Variants in GTF2H4 observed in about 807,000 individuals in gnomAD.
GTF2H4 encodes BTF2 p52.
GTF2H4 carries 49 observed loss-of-function variants against 62.2 expected under a neutral mutation model. The ratio of observed to expected loss-of-function variants is 0.79; its 90% CI spans 0.63 to 1.00. The LOEUF is 1.00. Ranked by LOEUF, GTF2H4 falls within the 50% of genes least tolerant of loss-of-function variation. The probability of loss-of-function intolerance (pLI) is 0.00; values close to 1 mark genes in which losing one functional copy is unlikely to be tolerated. For synonymous variants in GTF2H4, 189 were observed against 233.8 expected (o/e 0.81, Z 1.75); for missense variants, 479 against 587.8 (o/e 0.81, Z 1.91).
Position 30,910,617 on chromosome 6 carries a change from C to A in GTF2H4, c.375-48C>A. 7.4e-7 allele frequency: 1 copy of A among 1,347,300 alleles called. No individual in the cohort carries two copies. Among genetic ancestry groups the A allele is most frequent in the Non-Finnish European group, 1.1e-6 (1 of 939,316 alleles). 83.5% of individuals were successfully genotyped at this position (1,347,300 alleles called of 1,614,324 possible). On this transcript the variant is annotated intron_variant, in intron 4 of 13. Coordinates refer to ENST00000259895, the MANE Select transcript of GTF2H4 (RefSeq NM_001517.5). The surrounding 1 kb of genome is among the most constrained non-coding windows in gnomAD (Gnocchi z 4.7). The stretch of plus-strand genomic sequence containing the variant: ...AAGTACAGGGATTACAGGTGTGAGC[C>A]ACTGCGCCTGGCCAGGGTTCCTTAC...
Position 30,913,253 on chromosome 6 carries a change from C to T in GTF2H4, c.1138-56C>T, listed in dbSNP as rs1793881706. 6.2e-7 allele frequency: 1 copy of T among 1,612,100 alleles called. No individual in the cohort carries two copies. Among genetic ancestry groups the T allele is most frequent in the African/African-American group, 1.3e-5 (1 of 74,890 alleles). On this transcript the variant is annotated intron_variant, in intron 12 of 13. Transcript: ENST00000259895. This position sits in a 1 kb window ranked among gnomAD's most constrained non-coding sequence, Gnocchi z 4.2. ...CCAAATCTGGGGAAGAAACAGAGGG[C>T]CGGGTTGTCTGGGGCAGTATTCTGA...
rs1332117094 is a variant in GTF2H4 at position 30,909,864 on chromosome 6, ATGG to A, written c.243-64_243-62del. The A allele has an allele frequency of 1.7e-5, 26 of 1,490,522 alleles. No individual in the cohort carries two copies. The East Asian group carries it at 5.4e-4, about 31-fold the overall frequency. 92.3% of individuals were successfully genotyped at this position (1,490,522 alleles called of 1,614,324 possible). ...GTCAGCAAGTTCAGAACAGGCAGAG[ATGG>A]TGGCTTTTATGGGCCTCCTTTTTGT... On this transcript the variant is annotated intron_variant, in intron 3 of 13. Coordinates refer to ENST00000259895, the MANE Select transcript of GTF2H4 (RefSeq NM_001517.5). The surrounding 1 kb of genome is among the most constrained non-coding windows in gnomAD (Gnocchi z 4.3).
In GTF2H4 at chr6:30,913,962, G is replaced by A; in HGVS notation, c.1368G>A (p.Lys456=). ...ACAGCGACGTCAAGCGCTTTTGGAAGCGGCAGAAACATAGCTCCTGAGAGC... is the reference window on the plus strand; with the variant it reads ...ACAGCGACGTCAAGCGCTTTTGGAAACGGCAGAAACATAGCTCCTGAGAGC... ...AGHSDVKRFW[K]RQKHSS is the part of the protein sequence containing the mutation. Residue 456 remains lysine (K), a synonymous_variant, in exon 14 of 14, where the codon AAG becomes AAA. Coordinates refer to ENST00000259895, the MANE Select transcript of GTF2H4 (RefSeq NM_001517.5). The surrounding 1 kb of genome is among the most constrained non-coding windows in gnomAD (Gnocchi z 4.2). The A allele has an allele frequency of 6.2e-7, 1 of 1,602,912 alleles. No individual in the cohort carries two copies. The highest frequency in any genetic ancestry group is 1.1e-5 in the South Asian group (1 of 90,222).
rs184306164 is a variant in GTF2H4 at position 30,909,603 on chromosome 6, C to T, written c.242+64C>T. On this transcript the variant is annotated intron_variant, in intron 3 of 13. Transcript: ENST00000259895. The surrounding 1 kb of genome is among the most constrained non-coding windows in gnomAD (Gnocchi z 4.3). Reference sequence around the variant, plus strand: ...TTTCCCAAACTGCTGTTCCTTGGAGCACTTCCAGGAAGTGTTAATAGATAT... The same window carrying T: ...TTTCCCAAACTGCTGTTCCTTGGAGTACTTCCAGGAAGTGTTAATAGATAT... The T allele has an allele frequency of 9.3e-5, 94 of 1,006,490 alleles. No homozygotes were observed. In the Admixed American group the frequency reaches 1.2e-3, roughly 12 times the overall value. 62.3% of individuals were successfully genotyped at this position (1,006,490 alleles called of 1,614,324 possible).
Position 30,912,577 on chromosome 6 carries a change from C to A in GTF2H4, c.1089+119C>A. On this transcript the variant is annotated intron_variant, in intron 11 of 13. Coordinates refer to ENST00000259895, the MANE Select transcript of GTF2H4 (RefSeq NM_001517.5). This position sits in a 1 kb window ranked among gnomAD's most constrained non-coding sequence, Gnocchi z 4.8. ...GTTATAATAGGTGGTGGTGAGTTGT[C>A]TGTGTTTGAAGAGAAATGAAGGCTT... 7.6e-7 allele frequency: 1 copy of A among 1,315,286 alleles called. No individual in the cohort carries two copies. Among genetic ancestry groups the A allele is most frequent in the Non-Finnish European group, 1.1e-6 (1 of 949,974 alleles). The allele number at this position is 1,315,286 out of a possible 1,614,324, so 81.5% of individuals were successfully genotyped here.
rs529173985 is a variant in GTF2H4 at position 30,912,271 on chromosome 6, T to C, written c.959-57T>C. ...TTCTCATGACACTTGAAAGAAGGGCTTGAGGGAGTCTGGGTGTGGGGGTGG... is the reference window on the plus strand; with the variant it reads ...TTCTCATGACACTTGAAAGAAGGGCCTGAGGGAGTCTGGGTGTGGGGGTGG... On this transcript the variant is annotated intron_variant, in intron 10 of 13. Transcript: ENST00000259895. The surrounding 1 kb of genome is among the most constrained non-coding windows in gnomAD (Gnocchi z 4.8). The C allele has an allele frequency of 6.1e-5, 98 of 1,607,966 alleles. No individual in the cohort carries two copies. The East Asian group carries it at 1.9e-3, about 32-fold the overall frequency.
Position 30,912,141 on chromosome 6 carries a change from A to C in GTF2H4, c.953A>C (p.Tyr318Ser), listed in dbSNP as rs753092786. The change falls in exon 10 of 14, where the codon TAC (tyrosine) becomes TCC (serine). Residue 318 changes from tyrosine to serine, a missense_variant. Coordinates refer to ENST00000259895, the MANE Select transcript of GTF2H4 (RefSeq NM_001517.5). This position sits in a 1 kb window ranked among gnomAD's most constrained non-coding sequence, Gnocchi z 4.8. ...GAAACCAATTACCGACTGTATGCCT[A>C]CACGGGTGAGGCGGGACAGAGGGCC... ...VVETNYRLYA[Y>S]TESELQIALI... 4 of 1,612,958 alleles carry C rather than the reference A, an allele frequency of 2.5e-6. No homozygotes were observed. The highest frequency in any genetic ancestry group is 3.4e-6 in the Non-Finnish European group (4 of 1,180,016).
At position 30,911,954 on chromosome 6, in the gene GTF2H4, G is replaced by C. The variant is rs1582156431; in HGVS notation, c.826-60G>C. The C allele has an allele frequency of 6.3e-7, 1 of 1,588,024 alleles. No individual in the cohort carries two copies. Among genetic ancestry groups the C allele is most frequent in the East Asian group, 2.2e-5 (1 of 44,706 alleles). On this transcript the variant is annotated intron_variant, in intron 9 of 13. Coordinates refer to ENST00000259895, the MANE Select transcript of GTF2H4 (RefSeq NM_001517.5). The surrounding 1 kb of genome is among the most constrained non-coding windows in gnomAD (Gnocchi z 4.3). The stretch of plus-strand genomic sequence containing the variant: ...TCTTGGGAGGGATCTGATATTTCAG[G>C]CAGGAAGATGTAAGGCAGTGACTTC...
rs1793729562 is a variant in GTF2H4, at chr6:30,910,784, G to A, written c.471+23G>A. On this transcript the variant is annotated intron_variant, in intron 5 of 13. Coordinates refer to ENST00000259895, the MANE Select transcript of GTF2H4 (RefSeq NM_001517.5). This position sits in a 1 kb window ranked among gnomAD's most constrained non-coding sequence, Gnocchi z 4.7. ...GAGGTAAGCACTTGGGAGTGTGTGT[G>A]TCTCTGCTTGTGCTTCTACTTCCCA... 5 of 1,603,986 alleles carry A rather than the reference G, an allele frequency of 3.1e-6. No homozygotes were observed. The highest frequency in any genetic ancestry group is 4.3e-6 in the Non-Finnish European group (5 of 1,172,108).
Position 30,912,206 on chromosome 6 carries a change from T to C in GTF2H4, c.958+60T>C. ...TTGGGGGTGAGGGAATGCCAGTTTA[T>C]GTTCGTGTTTACCTGGCAGTCTACA... On this transcript the variant is annotated intron_variant, in intron 10 of 13. Transcript: ENST00000259895. The surrounding 1 kb of genome is among the most constrained non-coding windows in gnomAD (Gnocchi z 4.8). 3 of 1,605,686 alleles carry C rather than the reference T, an allele frequency of 1.9e-6. No individual in the cohort carries two copies. The highest frequency in any genetic ancestry group is 2.6e-6 in the Non-Finnish European group (3 of 1,175,072).
Position 30,914,092 on chromosome 6 carries a change from T to G in GTF2H4, c.*109T>G. ...TCAGGGCTTTTCTTGTTTAATAAAG[T>G]TATGATAGCTAGCAGTGCGGTCCCG... is the stretch of plus-strand genomic sequence containing the variant. On this transcript the variant is annotated 3_prime_UTR_variant, in exon 14 of 14. Transcript: ENST00000259895. The G allele has an allele frequency of 1.8e-6, 2 of 1,139,786 alleles. No individual in the cohort carries two copies. The highest frequency in any genetic ancestry group is 2.4e-6 in the Non-Finnish European group (2 of 831,936). The allele number at this position is 1,139,786 out of a possible 1,614,324, so 70.6% of individuals were successfully genotyped here. A position where few individuals can be genotyped will look rare whatever the true frequency, so the allele number is the denominator to read the frequency against.
chr6:30,913,215 G>T lies in GTF2H4; in HGVS notation c.1137+58G>T. Reference sequence around the variant, plus strand: ...CAGCTGGTGATGACATGATGGAAAAGAAAAAGGGGCATCCAAATCTGGGGA... The same window carrying T: ...CAGCTGGTGATGACATGATGGAAAATAAAAAGGGGCATCCAAATCTGGGGA... On this transcript the variant is annotated intron_variant, in intron 12 of 13. Coordinates refer to ENST00000259895, the MANE Select transcript of GTF2H4 (RefSeq NM_001517.5). This position sits in a 1 kb window ranked among gnomAD's most constrained non-coding sequence, Gnocchi z 4.2. 6.2e-7 allele frequency: 1 copy of T among 1,612,128 alleles called. No homozygotes were observed.
chr6:30,909,276 G>T lies in GTF2H4; in HGVS notation c.137+103G>T. On this transcript the variant is annotated intron_variant, in intron 2 of 13. Transcript: ENST00000259895. This position sits in a 1 kb window ranked among gnomAD's most constrained non-coding sequence, Gnocchi z 4.3. The stretch of plus-strand genomic sequence containing the variant: ...AGCCTGGAGTCGGGGTGGGGACTGG[G>T]GGCAAGGGTTGGAAATTGCTCTAAA... The T allele has an allele frequency of 7.0e-7, 1 of 1,424,718 alleles. No homozygotes were observed. The highest frequency in any genetic ancestry group is 1.3e-5 in the South Asian group (1 of 74,798). The allele number at this position is 1,424,718 out of a possible 1,614,324, so 88.3% of individuals were successfully genotyped here.
Position 30,913,930 on chromosome 6 carries a change from G to T in GTF2H4, c.1336G>T (p.Ala446Ser). 6.2e-7 allele frequency: 1 copy of T among 1,607,896 alleles called. No homozygotes were observed. Among genetic ancestry groups the T allele is most frequent in the Non-Finnish European group, 8.5e-7 (1 of 1,177,402 alleles). ...SAKRLMVVTP[A>S]GHSDVKRFWK... is the part of the protein sequence containing the mutation. ...CAAGCGGCTCATGGTGGTGACCCCG[G>T]CCGGGCACAGCGACGTCAAGCGCTT... The change falls in exon 14 of 14, where the codon GCC becomes TCC. Residue 446 changes from alanine (A) to serine (S), a missense_variant. Transcript: ENST00000259895. The surrounding 1 kb of genome is among the most constrained non-coding windows in gnomAD (Gnocchi z 4.2).
In GTF2H4 at chr6:30,913,997, G is replaced by A. The variant is rs1330016603; in HGVS notation, c.*14G>A. On this transcript the variant is annotated 3_prime_UTR_variant, in exon 14 of 14. Coordinates refer to ENST00000259895, the MANE Select transcript of GTF2H4 (RefSeq NM_001517.5). This position sits in a 1 kb window ranked among gnomAD's most constrained non-coding sequence, Gnocchi z 4.2. ...CATAGCTCCTGAGAGCGCGGGACTT[G>A]GACACGGACCTCGGCGGGCGGGACT... The A allele has an allele frequency of 1.9e-6, 3 of 1,575,118 alleles. No homozygotes were observed. Among genetic ancestry groups the A allele is most frequent in the Non-Finnish European group, 2.6e-6 (3 of 1,159,418 alleles).
Position 30,911,218 on chromosome 6 carries a change from C to T in GTF2H4, c.621C>T (p.Asp207=). Reference sequence around the variant, plus strand: ...CTGGCTTCCAGTTCCTGTTGCTGGACACCCCGGCTCAGCTCTGGTACTTTA... The same window carrying T: ...CTGGCTTCCAGTTCCTGTTGCTGGATACCCCGGCTCAGCTCTGGTACTTTA... ...TSAGFQFLLL[D]TPAQLWYFML... The change falls in exon 7 of 14, where the codon GAC becomes GAT. Residue 207 remains aspartate, a synonymous_variant. Transcript: ENST00000259895. This position sits in a 1 kb window ranked among gnomAD's most constrained non-coding sequence, Gnocchi z 4.3. The T allele has an allele frequency of 6.2e-7, 1 of 1,613,712 alleles. No individual in the cohort carries two copies. Among genetic ancestry groups the T allele is most frequent in the Non-Finnish European group, 8.5e-7 (1 of 1,180,024 alleles).
At position 30,912,527 on chromosome 6, in the gene GTF2H4, A is replaced by C; in HGVS notation, c.1089+69A>C. 9 of 1,581,280 alleles carry C rather than the reference A, an allele frequency of 5.7e-6. No individual in the cohort carries two copies. Among genetic ancestry groups the C allele is most frequent in the Non-Finnish European group, 7.8e-6 (9 of 1,158,328 alleles). On this transcript the variant is annotated intron_variant, in intron 11 of 13. Transcript: ENST00000259895. The surrounding 1 kb of genome is among the most constrained non-coding windows in gnomAD (Gnocchi z 4.8). Reference sequence around the variant, plus strand: ...TTGGGCTGCGGGGGACAGGGGTCACATTATGGAAGGCTAGCTCTGAGTCTG... The same window carrying C: ...TTGGGCTGCGGGGGACAGGGGTCACCTTATGGAAGGCTAGCTCTGAGTCTG...
rs1052693 is a variant in GTF2H4 at position 30,908,375 on chromosome 6, C to T, written c.-32C>T. 39,953 of 154,266 alleles carry T rather than the reference C, an allele frequency of 0.26. 6,097 individuals are homozygous for T. Among genetic ancestry groups the T allele is most frequent in the East Asian group, 0.61 (3,133 of 5,164 alleles). 9.6% of individuals were successfully genotyped at this position (154,266 alleles called of 1,614,324 possible). ...TCCGATTAAGCGACGGCCCGAGACT[C>T]GGGGTGCGCGAGGAGGATCGACAGA... On this transcript the variant is annotated 5_prime_UTR_variant, in exon 1 of 14. Coordinates refer to ENST00000259895, the MANE Select transcript of GTF2H4 (RefSeq NM_001517.5).
In GTF2H4 at chr6:30,911,414, TG is replaced by T; in HGVS notation, c.673-16del. 1 of 1,610,026 alleles carries T rather than the reference TG, an allele frequency of 6.2e-7. No individual in the cohort carries two copies. The highest frequency in any genetic ancestry group is 1.1e-5 in the South Asian group (1 of 91,020). ...CCTCCCATCCCTCCTCCTTTGTCTC[TG>T]CCTCTTTCTCCCTAGAGCCGGGGCA... On this transcript the variant is annotated splice_polypyrimidine_tract_variant and intron_variant, in intron 7 of 13. Coordinates refer to ENST00000259895, the MANE Select transcript of GTF2H4 (RefSeq NM_001517.5). The surrounding 1 kb of genome is among the most constrained non-coding windows in gnomAD (Gnocchi z 4.3).
Sources: gnomAD v4.1 joint callset for allele counts on GRCh38, gnomAD v4.1.1 for gene constraint, Gnocchi (gnomAD v3.1) non-coding constraint, MANE v1.5 for transcripts, NCBI Gene and HGNC (gene_info 2026-07-23, HGNC 2026-07-21) for gene names.